The following PDSS2 variants were observed in gnomAD, a reference collection of about 807,000 sequenced individuals.
The protein encoded by PDSS2 is all trans-polyprenyl-diphosphate synthase PDSS2.
Under a neutral mutation model 44.5 loss-of-function variants are expected in PDSS2, and 31 were observed. The observed-to-expected ratio is 0.70, with a 90% CI of 0.52 to 0.94. The LOEUF is 0.94. Among genes scored for constraint, PDSS2 ranks in the 40% least tolerant of loss-of-function variants. PDSS2 has a pLI of 0.00. For synonymous variants in PDSS2, 157 were observed against 180.3 expected (o/e 0.87, Z 1.03); for missense variants, 452 against 482.2 (o/e 0.94, Z 0.59).
At chr6:107,446,343 C>T (rs1415612015) in intron 1 of PDSS2, among the ~76,000 whole-genome samples, 1 of 151,960 alleles carries the variant, frequency 6.6e-6, no homozygotes, top group East Asian at 1.9e-4. Flanking sequence ...GAAATAATTA[C>T]AGACAAACAC....
At chr6:107,321,175 C>T (rs898055177) in intron 2 of PDSS2, among the ~76,000 whole-genome samples, 10 of 152,130 alleles carry the variant, frequency 6.6e-5, no homozygotes, top group African/African-American at 2.4e-4. Context: ...GCTTTGCACA[C>T]AGCAGGTGTT....
At chr6:107,412,469 A>C (rs1658255938) in intron 1 of PDSS2, among the ~76,000 whole-genome samples, 1 of 151,206 alleles carries the variant, frequency 6.6e-6, no homozygotes, top group Admixed American at 6.6e-5. Flanking sequence ...TGAACTTTTG[A>C]CCTCAGGTGA....
intron 2 of PDSS2, among the ~76,000 whole-genome samples, chr6:107,322,359 A>T (rs1415443957): frequency 6.6e-6 from 1 of 152,034 alleles, no homozygotes; most frequent in African/African-American, 2.4e-5. Context: ...TTCCACTAAA[A>T]ATACAAAAAA....
intron 7 of PDSS2, among the ~76,000 whole-genome samples, chr6:107,167,568 T>C (rs1312068740): frequency 6.6e-6 from 1 of 152,212 alleles, no homozygotes; most frequent in Non-Finnish European, 1.5e-5. Flanking sequence ...AATTGTGATG[T>C]TAGGGTGTCA....
chr6:107,318,518 T>A (rs544820254), intron 2 of PDSS2, among the ~76,000 whole-genome samples: 3 of 151,794 alleles, frequency 2.0e-5, no homozygotes, highest in Middle Eastern at 6.3e-3. Context: ...AAAAAAAAGA[T>A]CTGAAGTAGA....
At position 107,346,420 on chromosome 6, in the gene PDSS2, T is replaced by C. The variant is rs1409291583; in HGVS notation, c.297-12088A>G. ...AGGATACTGAGGCTCATAGGAATAATTTATTTTTTCCATATCTATTATTTG... is the reference window on the plus strand; with the variant it reads ...AGGATACTGAGGCTCATAGGAATAACTTATTTTTTCCATATCTATTATTTG... On this transcript the variant is annotated intron_variant, in intron 1 of 7. Transcript: ENST00000369037. 2.0e-5 allele frequency among the ~76,000 whole-genome samples: 3 copies of C among 152,228 alleles called. No individual in the cohort carries two copies. In the South Asian group the frequency reaches 6.2e-4, roughly 32 times the overall value.
At chr6:107,307,941 G>A (rs2115098731) in intron 2 of PDSS2, among the ~76,000 whole-genome samples, 1 of 152,230 alleles carries the variant, frequency 6.6e-6, no homozygotes, top group East Asian at 1.9e-4. Context: ...AGATAGTAAG[G>A]CTATAAGGAA....
chr6:107,334,094 C>G, intron 2 of PDSS2, 104 bp downstream of exon 2: 2 of 1,066,878 alleles, frequency 1.9e-6, no homozygotes, highest in East Asian at 2.4e-5. Context: ...TTTAATCTAT[C>G]TTTGAATCAG....
chr6:107,346,504 A>G (rs946701774), intron 1 of PDSS2, among the ~76,000 whole-genome samples: 3 of 152,254 alleles, frequency 2.0e-5, no homozygotes, highest in Non-Finnish European at 4.4e-5. Context: ...CTTGATTAGA[A>G]TATAATAATC....
At chr6:107,416,951 G>A (rs886706657) in intron 1 of PDSS2, among the ~76,000 whole-genome samples, 18 of 152,030 alleles carry the variant, frequency 1.2e-4, no homozygotes, top group African/African-American at 4.3e-4. Flanking sequence ...TTATCTGGGC[G>A]GGTGCAGTGA....
chr6:107,444,162 G>A (rs1781595091), intron 1 of PDSS2, among the ~76,000 whole-genome samples: 1 of 152,012 alleles, frequency 6.6e-6, no homozygotes, highest in South Asian at 2.1e-4. Flanking sequence ...CAAGTAGCTG[G>A]GACCACAGGC....
chr6:107,442,758 C>G (rs1186691812), intron 1 of PDSS2, among the ~76,000 whole-genome samples: 2 of 152,228 alleles, frequency 1.3e-5, no homozygotes, highest in African/African-American at 4.8e-5. Context: ...TTCTTTCACT[C>G]TCACAATTAT....
chr6:107,413,198 A>G (rs1157098054), intron 1 of PDSS2, among the ~76,000 whole-genome samples: 2 of 152,194 alleles, frequency 1.3e-5, no homozygotes, highest in Admixed American at 6.5e-5. Flanking sequence ...TTGTAAATTA[A>G]GTAAGAAAGA....
At chr6:107,358,699 G>A (rs1778664539) in intron 1 of PDSS2, among the ~76,000 whole-genome samples, 1 of 152,084 alleles carries the variant, frequency 6.6e-6, no homozygotes, top group South Asian at 2.1e-4. Flanking sequence ...AAAATAATAA[G>A]GCCAGGGTTT....
At chr6:107,458,374 A>G (rs1311083596) in intron 1 of PDSS2, among the ~76,000 whole-genome samples, 1 of 134,902 alleles carries the variant, frequency 7.4e-6, no homozygotes, top group Non-Finnish European at 1.6e-5. Flanking sequence ...CTGTAGTCCC[A>G]GCTACTCCCG....
intron 7 of PDSS2, among the ~76,000 whole-genome samples, chr6:107,178,600 C>A (rs1191045109): frequency 6.6e-6 from 1 of 152,082 alleles, no homozygotes; most frequent in Non-Finnish European, 1.5e-5. Context: ...TTTCTGAGAC[C>A]AGAATTATGT....
intron 3 of PDSS2, among the ~76,000 whole-genome samples, chr6:107,270,418 G>A (rs1445567073): frequency 2.0e-5 from 3 of 151,784 alleles, no homozygotes; most frequent in Non-Finnish European, 4.4e-5. Flanking sequence ...GGCCTGAAGT[G>A]TATTTTTCAT....
chr6:107,389,073 G>A (rs184583206), intron 1 of PDSS2, among the ~76,000 whole-genome samples: 104 of 152,302 alleles, frequency 6.8e-4, no homozygotes, highest in Non-Finnish European at 2.2e-4. Context: ...GGTTGGGAGA[G>A]TAGAGAATGG....
intron 1 of PDSS2, among the ~76,000 whole-genome samples, chr6:107,413,142 A>G (rs1583053870): frequency 6.6e-6 from 1 of 152,312 alleles, no homozygotes; most frequent in East Asian, 1.9e-4. Context: ...TTCAGAATTT[A>G]GTTTATTACA....
Sources: gnomAD v4.1 joint callset for allele counts (sites outside exome capture counted in the v4.1 genomes callset) on GRCh38, gnomAD v4.1.1 for gene constraint, MANE v1.5 for transcripts, NCBI Gene and HGNC (gene_info 2026-07-23, HGNC 2026-07-21) for gene names.